FHDC1: variants seen among roughly 807,000 people sequenced by gnomAD.
The protein encoded by FHDC1 is FH2 domain containing 1.
In FHDC1, 25 loss-of-function variants were observed where a neutral mutation model predicts 52.6. The ratio of observed to expected loss-of-function variants is 0.48; its 90% CI spans 0.35 to 0.66. FHDC1 has a LOEUF of 0.66. Among genes scored for constraint, FHDC1 ranks in the 30% least tolerant of loss-of-function variants. The probability of loss-of-function intolerance (pLI) is 0.01; values close to 1 mark genes in which losing one functional copy is unlikely to be tolerated. For synonymous variants in FHDC1, 616 were observed against 581.5 expected (o/e 1.06, Z -0.85); for missense variants, 1,459 against 1,452.8 (o/e 1.00, Z -0.07).
the FHDC1 span, among the ~76,000 whole-genome samples, chr4:152,921,744 A>T: frequency 6.6e-6 from 1 of 152,126 alleles, no homozygotes; most frequent in East Asian, 1.9e-4. Context: ...GGCTGCATTC[A>T]TAGCTTTATA....
At chr4:152,953,116 G>A (rs565886898) in intron 2 of FHDC1, among the ~76,000 whole-genome samples, 4 of 151,872 alleles carry the variant, frequency 2.6e-5, no homozygotes, top group African/African-American at 9.7e-5. Context: ...CCTGGGCAAC[G>A]GAGCGAGACT....
chr4:152,940,946 T>C (rs368901064), intron 1 of FHDC1, among the ~76,000 whole-genome samples: 2 of 152,166 alleles, frequency 1.3e-5, no homozygotes, highest in East Asian at 1.9e-4. Flanking sequence ...GAAAACTCTT[T>C]CTAGAAGCCA....
In FHDC1 at chr4:152,943,226, T is replaced by TCCCCCC; in HGVS notation, c.173_174insCCCCCC (p.Pro64_Pro65dup). Reference sequence around the variant, plus strand: ...ATGTTCAAGGGAAGAGTGTCCTTCCTCCCCTCCTCCACCCCCACCACCTCC... The same window carrying TCCCCCC: ...ATGTTCAAGGGAAGAGTGTCCTTCCTCCCCCCCCCCTCCTCCACCCCCACCACCTCC... On this transcript the variant is annotated inframe_insertion, in exon 2 of 12. Transcript: ENST00000511601. 1 of 1,603,520 alleles carries TCCCCCC rather than the reference T, an allele frequency of 6.2e-7. No homozygotes were observed. Among genetic ancestry groups the TCCCCCC allele is most frequent in the South Asian group, 1.1e-5 (1 of 90,018 alleles).
At position 152,976,011 on chromosome 4, in the gene FHDC1, C is replaced by A; in HGVS notation, c.2720C>A (p.Pro907His). The change falls in exon 12 of 12, where the codon CCC (proline) becomes CAC (histidine). Residue 907 changes from proline to histidine, a missense_variant. Coordinates refer to ENST00000511601, the MANE Select transcript of FHDC1 (RefSeq NM_001371116.1). ...AACGAGAGCATGCGCAAGGTCATGC[C>A]CATCACCAAGTCCAGCAGAGGCGCC... is the stretch of plus-strand genomic sequence containing the variant. Reference protein sequence around the residue: ...SENESMRKVMPITKSSRGAGW... With the variant: ...SENESMRKVMHITKSSRGAGW... 6.5e-7 allele frequency: 1 copy of A among 1,548,172 alleles called. No individual in the cohort carries two copies. Among genetic ancestry groups the A allele is most frequent in the Admixed American group, 2.0e-5 (1 of 48,822 alleles).
At chr4:152,911,924 G>T in the FHDC1 span, 1 of 152,314 alleles carries the variant, frequency 6.6e-6, no homozygotes, top group Non-Finnish European at 1.5e-5. Context: ...CGTTTCTCTG[G>T]ACCTTCATAG....
At chr4:152,941,433 A>T (rs534204925) in intron 1 of FHDC1, among the ~76,000 whole-genome samples, 3 of 152,366 alleles carry the variant, frequency 2.0e-5, no homozygotes, top group African/African-American at 7.2e-5. Context: ...GTTATAAATA[A>T]TAGCTAACTA....
In FHDC1 at chr4:152,952,327, C is replaced by G. The variant is rs951968804; in HGVS notation, c.499-1172C>G. ...TTTTTTATTTTCTCAGTTCAAATCT[C>G]ACGCGATTCTTGTTAGGCCAAGACA... On this transcript the variant is annotated intron_variant, in intron 2 of 11. Coordinates refer to ENST00000511601, the MANE Select transcript of FHDC1 (RefSeq NM_001371116.1). Among the ~76,000 whole-genome samples the G allele has an allele frequency of 9.9e-5, 15 of 151,970 alleles. No homozygotes were observed. The East Asian group carries it at 2.9e-3, about 30-fold the overall frequency.
intron 2 of FHDC1, among the ~76,000 whole-genome samples, 178 bp downstream of exon 2, chr4:152,943,733 G>A (rs1739647525): frequency 6.6e-6 from 1 of 152,184 alleles, no homozygotes; most frequent in South Asian, 2.1e-4. Context: ...TATTGAGAAA[G>A]CGTAAGAAGT....
At chr4:152,956,909 G>A (rs990833407) in intron 4 of FHDC1, among the ~76,000 whole-genome samples, 1 of 152,102 alleles carries the variant, frequency 6.6e-6, no homozygotes, top group Admixed American at 6.5e-5. Context: ...GAGCCGGCAG[G>A]AGCCCCTTCC....
In FHDC1 at chr4:152,962,798, G is replaced by A. The variant is rs763003605; in HGVS notation, c.851-16G>A. On this transcript the variant is annotated splice_polypyrimidine_tract_variant and intron_variant, in intron 6 of 11. Coordinates refer to ENST00000511601, the MANE Select transcript of FHDC1 (RefSeq NM_001371116.1). ...GAAGGCATCTCTAAGGTGCTGTGAT[G>A]TGTTCTTTTTGATAGAACTGATGTC... 9 of 1,611,478 alleles carry A rather than the reference G, an allele frequency of 5.6e-6. No homozygotes were observed. In the South Asian group the frequency reaches 6.6e-5, roughly 12 times the overall value.
the FHDC1 span, among the ~76,000 whole-genome samples, chr4:152,931,101 C>A: frequency 6.6e-6 from 1 of 151,804 alleles, no homozygotes; most frequent in Non-Finnish European, 1.5e-5. Context: ...ACTGTTTGCT[C>A]TTCTAACTTC....
intron 2 of FHDC1, among the ~76,000 whole-genome samples, chr4:152,944,937 C>T (rs1230622345): frequency 1.3e-5 from 2 of 152,188 alleles, no homozygotes; most frequent in Non-Finnish European, 2.9e-5. Flanking sequence ...TACAGTAGGT[C>T]ATTTCTCACT....
chr4:152,974,612 C>G (rs1740778315), intron 11 of FHDC1, 63 bp from the exon 12 acceptor site: 7 of 1,490,988 alleles, frequency 4.7e-6, no homozygotes, highest in Non-Finnish European at 6.2e-6. Flanking sequence ...GCGTAGGTGG[C>G]TCTGGAACTG....
Position 152,976,171 on chromosome 4 carries a change from G to T in FHDC1, c.2880G>T (p.Gly960=). ...TGAEEQRLPR[G]SSGSSSTRPG... is the part of the protein sequence containing the mutation. ...CCGAAGAGCAGAGGCTGCCGCGGGG[G>T]AGCAGCGGCTCCAGCAGCACCCGTC... Residue 960 remains glycine (G), a synonymous_variant, in exon 12 of 12, where the codon GGG becomes GGT. Transcript: ENST00000511601. The T allele has an allele frequency of 6.2e-7, 1 of 1,612,206 alleles. No homozygotes were observed. Among genetic ancestry groups the T allele is most frequent in the Non-Finnish European group, 8.5e-7 (1 of 1,179,612 alleles).
chr4:152,972,241 C>A, intron 10 of FHDC1, 136 bp from the exon 11 acceptor site: 1 of 839,860 alleles, frequency 1.2e-6, no homozygotes, highest in Non-Finnish European at 1.8e-6. Context: ...TTGCATTGGC[C>A]TTGCAATAAA....
chr4:152,962,777 G>C (rs776970949), intron 6 of FHDC1, 37 bp from the exon 7 acceptor site: 1 of 1,554,124 alleles, frequency 6.4e-7, no homozygotes, highest in African/African-American at 1.4e-5. Flanking sequence ...GAAACTGAAG[G>C]CATCTCTAAG....
At position 152,954,400 on chromosome 4, in the gene FHDC1, T is replaced by A. The variant is rs978701253; in HGVS notation, c.663+81T>A. 169 of 1,197,984 alleles carry A rather than the reference T, an allele frequency of 1.4e-4. No individual in the cohort carries two copies. In the Admixed American group the frequency reaches 3.0e-3, roughly 21 times the overall value. 74.2% of individuals were successfully genotyped at this position (1,197,984 alleles called of 1,614,324 possible). ...ATTTTTAAGTGTGTCAAAGCTCACA[T>A]GGAAGGCCAGGAGCAGTGGCTCACA... is the stretch of plus-strand genomic sequence containing the variant. On this transcript the variant is annotated intron_variant, in intron 4 of 11. Coordinates refer to ENST00000511601, the MANE Select transcript of FHDC1 (RefSeq NM_001371116.1).
At chr4:152,915,838 A>C in the FHDC1 span, among the ~76,000 whole-genome samples, 1 of 152,204 alleles carries the variant, frequency 6.6e-6, no homozygotes, top group Admixed American at 6.5e-5. Context: ...AATGGGAAAA[A>C]GTACCATTAA....
intron 9 of FHDC1, among the ~76,000 whole-genome samples, 181 bp from the exon 10 acceptor site, chr4:152,967,799 C>T (rs562820628): frequency 2.6e-5 from 4 of 152,260 alleles, no homozygotes; most frequent in South Asian, 2.1e-4. Context: ...TCTTTAGAAA[C>T]GAATCACTTC....
Sources: gnomAD v4.1 joint callset for allele counts (sites outside exome capture counted in the v4.1 genomes callset) on GRCh38, gnomAD v4.1.1 for gene constraint, MANE v1.5 for transcripts, NCBI Gene and HGNC (gene_info 2026-07-23, HGNC 2026-07-21) for gene names.